PHF24: variants seen among roughly 807,000 people sequenced by gnomAD.
PHF24 encodes PHD finger protein 24.
Under a neutral mutation model 42.6 loss-of-function variants are expected in PHF24, and 25 were observed. The observed-to-expected ratio is 0.59, with a 90% CI of 0.43 to 0.82. The LOEUF is 0.82. PHF24 is among the 40% of genes least tolerant of loss of function. The probability of loss-of-function intolerance (pLI) is 0.00; values close to 1 mark genes in which losing one functional copy is unlikely to be tolerated. For synonymous variants in PHF24, 185 were observed against 204.8 expected, an observed-to-expected ratio of 0.90 and a Z score of 0.83; for missense variants, 470 against 538.1, an observed-to-expected ratio of 0.87 and a Z score of 1.25.
chr9:34,764,661 A>G, the PHF24 span, among the ~76,000 whole-genome samples: 3,494 of 151,724 alleles, frequency 0.023, 155 homozygotes, highest in African/African-American at 0.08. Context: ...TCCTGGATTC[A>G]TTAATTTTTT....
At chr9:34,695,739 C>G in the PHF24 span, among the ~76,000 whole-genome samples, 2 of 152,320 alleles carry the variant, frequency 1.3e-5, no homozygotes, top group Non-Finnish European at 2.9e-5. Context: ...TCCCCACACA[C>G]TTATGGGTAC....
At chr9:34,968,254 G>C (rs1022515784) in intron 1 of PHF24, among the ~76,000 whole-genome samples, 1 of 151,982 alleles carries the variant, frequency 6.6e-6, no homozygotes. Flanking sequence ...CTTAATATTT[G>C]TTTCCAGCTA....
chr9:34,685,686 A>T, the PHF24 span, among the ~76,000 whole-genome samples: 1 of 152,178 alleles, frequency 6.6e-6, no homozygotes, highest in Non-Finnish European at 1.5e-5. Context: ...TTCCTTATAC[A>T]TAGAATGGTA....
At chr9:34,975,596 C>G (rs1827157717) in intron 3 of PHF24, among the ~76,000 whole-genome samples, 1 of 152,128 alleles carries the variant, frequency 6.6e-6, no homozygotes, top group Admixed American at 6.5e-5. Flanking sequence ...TACAAAAAAA[C>G]TCATTTGGCT....
chr9:34,688,083 A>C, the PHF24 span, among the ~76,000 whole-genome samples: 3 of 152,170 alleles, frequency 2.0e-5, no homozygotes, highest in Admixed American at 6.5e-5. Flanking sequence ...GAGCACCTGC[A>C]TCTGGGAGCA....
At chr9:34,809,465 A>T in the PHF24 span, among the ~76,000 whole-genome samples, 2 of 152,180 alleles carry the variant, frequency 1.3e-5, no homozygotes, top group Non-Finnish European at 2.9e-5. This position sits in a 1 kb window ranked among gnomAD's most constrained non-coding sequence, Gnocchi z 4.1. Context: ...GCTGCAGCAA[A>T]AAGTGGGTTA....
chr9:34,975,270 AGT>A (rs1307792031), intron 3 of PHF24, among the ~76,000 whole-genome samples: 4 of 152,188 alleles, frequency 2.6e-5, no homozygotes, highest in Non-Finnish European at 5.9e-5. Context: ...AACATCTCAC[AGT>A]GTTACACACC....
chr9:34,720,783 G>A, the PHF24 span, among the ~76,000 whole-genome samples: 1 of 152,144 alleles, frequency 6.6e-6, no homozygotes, highest in African/African-American at 2.4e-5. Flanking sequence ...TTCTCTGTGA[G>A]CTCTCCTGCT....
chr9:34,751,701 C>A, the PHF24 span, among the ~76,000 whole-genome samples: 9 of 152,080 alleles, frequency 5.9e-5, no homozygotes, highest in South Asian at 1.9e-3. Flanking sequence ...ACCAAATGGA[C>A]CTCTAATGGA....
At chr9:34,714,388 T>C in the PHF24 span, among the ~76,000 whole-genome samples, 1 of 152,194 alleles carries the variant, frequency 6.6e-6, no homozygotes, top group Non-Finnish European at 1.5e-5. Context: ...TAGAATAGCA[T>C]GGGCTTGGGA....
the PHF24 span, among the ~76,000 whole-genome samples, chr9:34,873,663 G>T: frequency 6.6e-6 from 1 of 150,486 alleles, no homozygotes; most frequent in African/African-American, 2.4e-5. Context: ...TGTTCTTTTG[G>T]CTTAGGATTG....
chr9:34,741,514 C>T, the PHF24 span, among the ~76,000 whole-genome samples: 5 of 152,182 alleles, frequency 3.3e-5, no homozygotes, highest in East Asian at 9.7e-4. Context: ...AGGCATGTGC[C>T]ACCACGCCCA....
the PHF24 span, chr9:34,892,936 G>A: frequency 7.3e-5 from 50 of 685,236 alleles, no homozygotes; most frequent in East Asian, 2.7e-5. Flanking sequence ...ATTTCGGGGA[G>A]CCCAGATCCT....
the PHF24 span, among the ~76,000 whole-genome samples, chr9:34,739,814 T>G: frequency 0.016 from 2,399 of 152,248 alleles, 55 homozygotes; most frequent in African/African-American, 0.05. Context: ...CCTGCTTTTA[T>G]TCTCTTATCT....
chr9:34,740,084 C>T, the PHF24 span, among the ~76,000 whole-genome samples: 9 of 152,212 alleles, frequency 5.9e-5, no homozygotes, highest in Admixed American at 3.3e-4. Context: ...GAACTAGATA[C>T]GGAGTGCCGA....
chr9:34,868,745 CTTTTCCTTCTCTTTTT>C, the PHF24 span, among the ~76,000 whole-genome samples: 1 of 152,090 alleles, frequency 6.6e-6, no homozygotes, highest in Non-Finnish European at 1.5e-5. Flanking sequence ...CTTATTTCTT[CTTTTCCTTCTCTTTTT>C]TTTTCCTTCA....
chr9:34,841,354 C>T, the PHF24 span, among the ~76,000 whole-genome samples: 2 of 152,118 alleles, frequency 1.3e-5, no homozygotes, highest in Admixed American at 6.5e-5. Context: ...ATATTGAATA[C>T]GTCAGTTGTT....
the PHF24 span, chr9:34,832,515 C>G: frequency 6.6e-7 from 1 of 1,517,430 alleles, no homozygotes. Context: ...TGTCTTACTT[C>G]TCCCCACAGG....
chr9:34,864,885 C>T, the PHF24 span, among the ~76,000 whole-genome samples: 1 of 152,054 alleles, frequency 6.6e-6, no homozygotes, highest in Non-Finnish European at 1.5e-5. Context: ...AGTTAAAAAG[C>T]AGAGGGACAG....
Sources: allele counts gnomAD v4.1 joint callset (sites outside exome capture counted in the v4.1 genomes callset), GRCh38; gene constraint gnomAD v4.1.1; non-coding constraint Gnocchi (gnomAD v3.1); transcripts MANE v1.5; gene names NCBI Gene and HGNC (gene_info 2026-07-23, HGNC 2026-07-21).